Variants in SUSD6 observed in about 807,000 individuals in gnomAD.
SUSD6 encodes the protein sushi domain containing 6.
Under a neutral mutation model 28.4 loss-of-function variants are expected in SUSD6, and 16 were observed. The ratio of observed to expected loss-of-function variants is 0.56; its 90% CI spans 0.38 to 0.86. SUSD6 has a LOEUF of 0.86. Among genes scored for constraint, SUSD6 ranks in the 40% least tolerant of loss-of-function variants. The pLI, the probability that SUSD6 is intolerant of heterozygous loss-of-function variation, is 0.00. For synonymous variants in SUSD6, 147 were observed against 159.6 expected (o/e 0.92, Z 0.59); for missense variants, 341 against 384.2 (o/e 0.89, Z 0.94).
In SUSD6 at chr14:69,628,655, A is replaced by G. The variant is rs148282419; in HGVS notation, c.-81+16827A>G. On this transcript the variant is annotated intron_variant, in intron 1 of 5. Transcript: ENST00000342745. Reference sequence around the variant, plus strand: ...AGGAAACCAAGCTCTGAAACATTTCAGTACTGTTAATTACTGTATTGGAAC... The same window carrying G: ...AGGAAACCAAGCTCTGAAACATTTCGGTACTGTTAATTACTGTATTGGAAC... Among the ~76,000 whole-genome samples the G allele has an allele frequency of 7.6e-3, 1,152 of 151,938 alleles. 15 individuals are homozygous for G. Among genetic ancestry groups the G allele is most frequent in the African/African-American group, 0.026 (1,087 of 41,396 alleles).
chr14:69,630,292 G>T (rs748165791), intron 1 of SUSD6, among the ~76,000 whole-genome samples: 1 of 152,214 alleles, frequency 6.6e-6, no homozygotes, highest in Non-Finnish European at 1.5e-5. Flanking sequence ...TAAAGATCTT[G>T]TGGAAGTCAG....
intron 4 of SUSD6, 33 bp downstream of exon 4, chr14:69,704,775 G>A: frequency 1.9e-6 from 3 of 1,606,192 alleles, no homozygotes; most frequent in Non-Finnish European, 2.6e-6. Context: ...CATGAGACAG[G>A]CAGGTGCAAG....
Position 69,676,146 on chromosome 14 carries a change from A to G in SUSD6, c.121+17433A>G, listed in dbSNP as rs909016302. 2.6e-5 allele frequency among the ~76,000 whole-genome samples: 4 copies of G among 152,136 alleles called. 1 individual carries two copies. Among genetic ancestry groups the G allele is most frequent in the Admixed American group, 1.3e-4 (2 of 15,276 alleles). ...TACTGAATGCTATTAGAAAGAAGAG[A>G]ATTAACCCTGATGTCTGTCTAGGGA... On this transcript the variant is annotated intron_variant, in intron 2 of 5. Transcript: ENST00000342745.
chr14:69,633,917 T>C (rs1307982482), intron 1 of SUSD6, among the ~76,000 whole-genome samples: 1 of 152,222 alleles, frequency 6.6e-6, no homozygotes, highest in Non-Finnish European at 1.5e-5. Flanking sequence ...GGGAGTGCAG[T>C]TCCCAGTAGG....
chr14:69,632,334 G>T (rs752189732), intron 1 of SUSD6, among the ~76,000 whole-genome samples: 8 of 152,116 alleles, frequency 5.3e-5, no homozygotes, highest in South Asian at 2.1e-4. Flanking sequence ...TGGCCCTCCT[G>T]TTGCTCTCAG....
intron 1 of SUSD6, among the ~76,000 whole-genome samples, chr14:69,612,584 G>C (rs1884896734): frequency 6.6e-6 from 1 of 152,160 alleles, no homozygotes; most frequent in Admixed American, 6.5e-5. Flanking sequence ...GAGCAGGAGG[G>C]GGAGGTGGTT....
rs1382920590 is a variant in SUSD6, at chr14:69,710,977, T to A, written c.910T>A (p.Ter304ArgextTer145). The A allele has an allele frequency of 2.5e-6, 4 of 1,613,992 alleles. No individual in the cohort carries two copies. The highest frequency in any genetic ancestry group is 3.4e-6 in the Non-Finnish European group (4 of 1,179,988). ...TDDIPLLKEA[*>R] ...AGATATTCCACTGTTGAAAGAAGCA[T>A]GAGGGCAGCGGCCAGCCTTTCCTCT... Residue 304 changes from the stop codon to arginine (R), a stop_lost, in exon 6 of 6, where the codon TGA (stop) becomes AGA (arginine). Transcript: ENST00000342745.
chr14:69,708,192 C>T (rs1886411559), intron 4 of SUSD6, among the ~76,000 whole-genome samples: 1 of 152,222 alleles, frequency 6.6e-6, no homozygotes, highest in South Asian at 2.1e-4. Flanking sequence ...ATTCCACATA[C>T]CATACAGTGT....
chr14:69,627,711 G>C (rs1165053499), intron 1 of SUSD6, among the ~76,000 whole-genome samples: 1 of 152,100 alleles, frequency 6.6e-6, no homozygotes, highest in East Asian at 1.9e-4. Flanking sequence ...TGATCCGCCT[G>C]CCTCGGCCTC....
At position 69,611,737 on chromosome 14, in the gene SUSD6, C is replaced by T. The variant is rs1269838335; in HGVS notation, c.-172C>T. ...CGAGCTAGACAAGGGCACGCGGGGC[C>T]TCGCCTAGACCCGAGAAGACTGCGG... On this transcript the variant is annotated 5_prime_UTR_variant, in exon 1 of 6. Coordinates refer to ENST00000342745, the MANE Select transcript of SUSD6 (RefSeq NM_014734.4). The T allele has an allele frequency of 6.6e-6, 1 of 151,390 alleles. No individual in the cohort carries two copies. Among genetic ancestry groups the T allele is most frequent in the Non-Finnish European group, 1.5e-5 (1 of 67,794 alleles). 9.4% of individuals were successfully genotyped at this position (151,390 alleles called of 1,614,324 possible).
At chr14:69,615,035 A>T (rs993627083) in intron 1 of SUSD6, among the ~76,000 whole-genome samples, 1 of 152,228 alleles carries the variant, frequency 6.6e-6, no homozygotes, top group Admixed American at 6.5e-5. Context: ...GTCTTGTTAG[A>T]GGGTGTTCGC....
rs57837741 is a variant in SUSD6, at chr14:69,639,313, C to CAAAA, written c.-80-19177_-80-19174dup. Among the ~76,000 whole-genome samples, 72 of 54,542 alleles carry CAAAA rather than the reference C, an allele frequency of 1.3e-3. 5 individuals carry two copies. Among genetic ancestry groups the CAAAA allele is most frequent in the South Asian group, 2.6e-3 (2 of 768 alleles). The allele number at this position is 54,542 out of a possible 152,430, so 35.8% of individuals were successfully genotyped here. A position where few individuals can be genotyped will look rare whatever the true frequency, so the allele number is the denominator to read the frequency against. On this transcript the variant is annotated intron_variant, in intron 1 of 5. Coordinates refer to ENST00000342745, the MANE Select transcript of SUSD6 (RefSeq NM_014734.4). ...TGGGCAACACAGCGAGACTCCGTCT[C>CAAAA]AAAAAAAAAAAAAAAAAAAAAAAAA...
chr14:69,677,250 A>G lies in SUSD6; in HGVS notation c.121+18537A>G, dbSNP rs146606905. ...GTTCTGGCCTTGCTCAGAGTTACTC[A>G]TGTTACTCTGTTACGCCGGGCGTGG... On this transcript the variant is annotated intron_variant, in intron 2 of 5. Coordinates refer to ENST00000342745, the MANE Select transcript of SUSD6 (RefSeq NM_014734.4). Among the ~76,000 whole-genome samples the G allele has an allele frequency of 8.7e-4, 133 of 152,362 alleles. 1 individual carries two copies. Among genetic ancestry groups the G allele is most frequent in the Middle Eastern group, 3.4e-3 (1 of 294 alleles).
At chr14:69,665,616 G>A (rs1013425102) in intron 2 of SUSD6, among the ~76,000 whole-genome samples, 1 of 152,202 alleles carries the variant, frequency 6.6e-6, no homozygotes. Context: ...CTCTTATGAG[G>A]TGGAGTGGGA....
intron 4 of SUSD6, among the ~76,000 whole-genome samples, chr14:69,707,296 T>C (rs1886399828): frequency 6.6e-6 from 1 of 152,290 alleles, no homozygotes; most frequent in Non-Finnish European, 1.5e-5. Context: ...CACCTTACTT[T>C]TAGATGGTTC....
chr14:69,628,702 T>A (rs1051612678), intron 1 of SUSD6, among the ~76,000 whole-genome samples: 23 of 149,104 alleles, frequency 1.5e-4, no homozygotes, highest in Non-Finnish European at 2.2e-4. Flanking sequence ...TTGGAGTGAT[T>A]CTAAAGCCTG....
At chr14:69,667,531 C>T (rs1214031766) in intron 2 of SUSD6, among the ~76,000 whole-genome samples, 1 of 151,924 alleles carries the variant, frequency 6.6e-6, no homozygotes, top group African/African-American at 2.4e-5. Flanking sequence ...CACCCGCCGC[C>T]ACACCCAGCT....
chr14:69,614,572 C>T (rs1242348975), intron 1 of SUSD6, among the ~76,000 whole-genome samples: 1 of 152,238 alleles, frequency 6.6e-6, no homozygotes, highest in Non-Finnish European at 1.5e-5. Flanking sequence ...TCCCTCCACA[C>T]TTGTCCATTT....
intron 2 of SUSD6, among the ~76,000 whole-genome samples, chr14:69,681,562 G>A (rs1885997872): frequency 6.6e-6 from 1 of 152,194 alleles, no homozygotes; most frequent in Non-Finnish European, 1.5e-5. Flanking sequence ...GCCCCGTAGG[G>A]GGATCTGAAG....
Sources: allele counts gnomAD v4.1 joint callset (sites outside exome capture counted in the v4.1 genomes callset), GRCh38; gene constraint gnomAD v4.1.1; transcripts MANE v1.5; gene names NCBI Gene and HGNC (gene_info 2026-07-23, HGNC 2026-07-21).